OPHN1: variants seen among roughly 807,000 people sequenced by gnomAD.
OPHN1 encodes oligophrenin-1.
A neutral mutation model predicts 60.7 loss-of-function variants in OPHN1; 11 were observed. The ratio of observed to expected loss-of-function variants is 0.18; its 90% CI spans 0.11 to 0.30. The LOEUF is 0.30. Among genes scored for constraint, OPHN1 ranks in the 10% least tolerant of loss-of-function variants. The pLI is 1.00. For synonymous variants in OPHN1, 226 were observed against 222.6 expected (o/e 1.02, Z -0.14); for missense variants, 449 against 611.0 (o/e 0.73, Z 2.80).
At chrX:68,331,196 A>G (rs1298406742) in intron 2 of OPHN1, among the ~76,000 whole-genome samples, 8 of 106,607 alleles carry the variant, frequency 7.5e-5, no homozygotes, top group Non-Finnish European at 1.1e-4. Context: ...ATAGTACATA[A>G]TTATATAATA....
rs1602136689 is a variant in OPHN1 at position 68,071,163 on chromosome X, T to G, written c.1834+1989A>C. The G allele has an allele frequency of 6.8e-6, 5 of 732,960 alleles. No individual in the cohort carries two copies. The East Asian group carries it at 1.6e-4, about 23-fold the overall frequency. 60.4% of individuals were successfully genotyped at this position (732,960 alleles called of 1,213,427 possible). ...CCAGAATGGCCAGGAAGGGTCGCTA[T>G]GGGCTCTCCAAGACCTTCACAAAGT... is the stretch of plus-strand genomic sequence containing the variant. On this transcript the variant is annotated intron_variant, in intron 20 of 24. Transcript: ENST00000355520.
rs1169967781 is a variant in OPHN1 at position 68,213,797 on chromosome X, A to C, written c.597+65T>G. 12 of 660,178 alleles carry C rather than the reference A, an allele frequency of 1.8e-5. No individual in the cohort carries two copies. In the East Asian group the frequency reaches 2.4e-4, roughly 13 times the overall value. The allele number at this position is 660,178 out of a possible 1,213,427, so 54.4% of individuals were successfully genotyped here. A position where few individuals can be genotyped will look rare whatever the true frequency, so the allele number is the denominator to read the frequency against. The stretch of plus-strand genomic sequence containing the variant: ...TTTGGGATTCTGTTTTTATGATCAA[A>C]GTTTGTACATTTACCAGGCATTTGA... On this transcript the variant is annotated intron_variant, in intron 7 of 24. Transcript: ENST00000355520.
intron 18 of OPHN1, among the ~76,000 whole-genome samples, chrX:68,107,952 A>G (rs1470869867): frequency 8.9e-6 from 1 of 112,124 alleles, no homozygotes; most frequent in Non-Finnish European, 1.9e-5. Flanking sequence ...GTTTTGATTC[A>G]TGTCTAAAAC....
At chrX:68,270,138 G>C (rs2077959113) in intron 5 of OPHN1, among the ~76,000 whole-genome samples, 1 of 111,112 alleles carries the variant, frequency 9.0e-6, no homozygotes, top group African/African-American at 3.3e-5. Context: ...TACACTGTTG[G>C]TGGGACTGTA....
At chrX:68,273,995 G>A (rs1224035953) in intron 5 of OPHN1, among the ~76,000 whole-genome samples, 3 of 111,424 alleles carry the variant, frequency 2.7e-5, no homozygotes, top group Non-Finnish European at 5.7e-5. Flanking sequence ...CAAGAAGTGG[G>A]GGAGTTGCTA....
At chrX:68,345,451 AAT>A (rs1294285583) in intron 2 of OPHN1, among the ~76,000 whole-genome samples, 1 of 112,761 alleles carries the variant, frequency 8.9e-6, no homozygotes, top group Non-Finnish European at 1.9e-5. Context: ...AATGTCCAAA[AAT>A]AGAGATTACT....
intron 5 of OPHN1, among the ~76,000 whole-genome samples, chrX:68,237,421 T>C (rs1034485952): frequency 3.6e-5 from 4 of 112,410 alleles, no homozygotes; most frequent in African/African-American, 9.7e-5. Context: ...AGGGCTTGCA[T>C]TGAATCTGTA....
At chrX:68,306,010 T>C (rs1227844130) in intron 2 of OPHN1, among the ~76,000 whole-genome samples, 5 of 111,920 alleles carry the variant, frequency 4.5e-5, no homozygotes, top group South Asian at 3.7e-4. Context: ...AATAAAACAA[T>C]GGAAATAATT....
At chrX:68,388,566 T>C (rs1793652897) in intron 2 of OPHN1, among the ~76,000 whole-genome samples, 1 of 111,209 alleles carries the variant, frequency 9.0e-6, no homozygotes, top group African/African-American at 3.3e-5. Flanking sequence ...CAGCTATTTA[T>C]TGAGTGTCTG....
rs185361821 is a variant in OPHN1, at chrX:68,396,913, T to G, written c.154+35954A>C. ...TGGCTGGAAATTTACCCGTTACTCC[T>G]CTCCCATCCCAGGGGAGCTTCCCCC... On this transcript the variant is annotated intron_variant, in intron 2 of 24. Coordinates refer to ENST00000355520, the MANE Select transcript of OPHN1 (RefSeq NM_002547.3). Among the ~76,000 whole-genome samples, 167 of 112,044 alleles carry G rather than the reference T, an allele frequency of 1.5e-3. 1 individual carries two copies. Among genetic ancestry groups the G allele is most frequent in the African/African-American group, 5.0e-3 (156 of 30,929 alleles).
intron 15 of OPHN1, among the ~76,000 whole-genome samples, chrX:68,142,116 T>G (rs1232718495): frequency 9.0e-6 from 1 of 111,616 alleles, no homozygotes; most frequent in African/African-American, 3.3e-5. Flanking sequence ...CCACATAGTT[T>G]CTCGAATGTT....
At chrX:68,246,546 C>T (rs1401626402) in intron 5 of OPHN1, among the ~76,000 whole-genome samples, 1 of 111,469 alleles carries the variant, frequency 9.0e-6, no homozygotes, top group African/African-American at 3.3e-5. Flanking sequence ...TGCCCAGTGG[C>T]ACAGAGGAGA....
intron 5 of OPHN1, among the ~76,000 whole-genome samples, chrX:68,260,772 G>C (rs1002854487): frequency 1.8e-5 from 2 of 111,397 alleles, no homozygotes; most frequent in Non-Finnish European, 3.8e-5. Flanking sequence ...AATGCACTCT[G>C]GTAGCCATTG....
At chrX:68,124,531 C>T (rs2077162274) in intron 15 of OPHN1, among the ~76,000 whole-genome samples, 1 of 111,680 alleles carries the variant, frequency 9.0e-6, no homozygotes, top group Non-Finnish European at 1.9e-5. Context: ...TCGACTTAAT[C>T]TGCACTATGG....
At chrX:68,392,336 T>C (rs1043293986) in intron 2 of OPHN1, among the ~76,000 whole-genome samples, 1 of 111,944 alleles carries the variant, frequency 8.9e-6, no homozygotes, top group African/African-American at 3.2e-5. Flanking sequence ...TATGTGTTAA[T>C]CTACAGACCA....
chrX:68,110,032 C>T (rs941897020), intron 18 of OPHN1, among the ~76,000 whole-genome samples: 1 of 109,949 alleles, frequency 9.1e-6, no homozygotes, highest in Non-Finnish European at 1.9e-5. Context: ...ATATCATATA[C>T]CCTGTTTTAC....
At chrX:68,368,823 G>C (rs1021995024) in intron 2 of OPHN1, among the ~76,000 whole-genome samples, 3 of 112,104 alleles carry the variant, frequency 2.7e-5, no homozygotes, top group Non-Finnish European at 5.6e-5. Context: ...TTAAGGAACA[G>C]AGACTTCAGT....
intron 2 of OPHN1, among the ~76,000 whole-genome samples, chrX:68,358,243 C>A (rs2078452666): frequency 9.0e-6 from 1 of 110,907 alleles, no homozygotes; most frequent in African/African-American, 3.3e-5. Context: ...ATCGCTTGAA[C>A]CCAGGATGGG....
chrX:68,083,101 T>A lies in OPHN1; in HGVS notation c.1687-9802A>T, dbSNP rs1205914555. Among the ~76,000 whole-genome samples, 7 of 75,794 alleles carry A rather than the reference T, an allele frequency of 9.2e-5. No homozygotes were observed. The Admixed American group carries it at 1.1e-3, about 12-fold the overall frequency. 65.8% of individuals were successfully genotyped at this position (75,794 alleles called of 115,157 possible). A position where few individuals can be genotyped will look rare whatever the true frequency, so the allele number is the denominator to read the frequency against. ...TTTTTTTTGAGACGGAGTCTCGCTC[T>A]GTCGCCCAGGCCGGACTGCGGACTG... On this transcript the variant is annotated intron_variant, in intron 19 of 24. Coordinates refer to ENST00000355520, the MANE Select transcript of OPHN1 (RefSeq NM_002547.3).
Sources: allele counts gnomAD v4.1 joint callset (sites outside exome capture counted in the v4.1 genomes callset), GRCh38; gene constraint gnomAD v4.1.1; transcripts MANE v1.5; gene names NCBI Gene and HGNC (gene_info 2026-07-23, HGNC 2026-07-21).